RC3H2: variants seen among roughly 807,000 people sequenced by gnomAD.
The protein encoded by RC3H2 is roquin-2.
In RC3H2, 31 loss-of-function variants were observed where a neutral mutation model predicts 133.3. That is an observed-to-expected ratio of 0.23 (90% CI 0.17 to 0.31). RC3H2 has a LOEUF of 0.31. Ranked by LOEUF, RC3H2 falls within the 10% of genes least tolerant of loss-of-function variation. RC3H2 has a pLI of 1.00. For synonymous variants in RC3H2, 517 were observed against 502.2 expected, an observed-to-expected ratio of 1.03 and a Z score of -0.40; for missense variants, 1,175 against 1,437.2, an observed-to-expected ratio of 0.82 and a Z score of 2.95.
intron 9 of RC3H2, among the ~76,000 whole-genome samples, chr9:122,868,936 T>C (rs1270799071): frequency 6.8e-6 from 1 of 148,024 alleles, no homozygotes; most frequent in Non-Finnish European, 1.5e-5. Flanking sequence ...AGTTCCACTC[T>C]TGTCGCCCAG....
In RC3H2 at chr9:122,859,962, G is replaced by A. The variant is rs756983745; in HGVS notation, c.1804C>T (p.Pro602Ser). The change falls in exon 11 of 21, where the codon CCA (proline) becomes TCA (serine). Residue 602 changes from proline to serine, a missense_variant. Physicochemically the swap from Pro to Ser is moderately conservative, Grantham distance 74. Around this residue, in one of 8 missense-constraint regions of RC3H2, gnomAD observed 490 missense variants for 492.8 expected, o/e 0.99. Coordinates refer to ENST00000357244, the MANE Select transcript of RC3H2 (RefSeq NM_001100588.3). ...ACTTCAAAGGGTATCTGAGTCCTTG[G>A]ATCTTGAAAATACTGAATGTTTTCA... is the stretch of plus-strand genomic sequence containing the variant. Reference protein sequence around the residue: ...HSENIQYFQDPRTQIPFEVPQ... With the variant: ...HSENIQYFQDSRTQIPFEVPQ... 3 of 1,614,054 alleles carry A rather than the reference G, an allele frequency of 1.9e-6. No individual in the cohort carries two copies. In the South Asian group the frequency reaches 3.3e-5, roughly 18 times the overall value.
intron 1 of RC3H2, among the ~76,000 whole-genome samples, chr9:122,902,492 G>T (rs759500490): frequency 6.6e-6 from 1 of 152,110 alleles, no homozygotes; most frequent in Non-Finnish European, 1.5e-5. Context: ...ATATCCGATA[G>T]AAATATGTGA....
At chr9:122,852,562 G>A (rs1434399078) in intron 18 of RC3H2, among the ~76,000 whole-genome samples, 40 of 150,054 alleles carry the variant, frequency 2.7e-4, no homozygotes, top group South Asian at 4.2e-4. Context: ...CCGGCCAGCC[G>A]CCCCGTCCGG....
chr9:122,867,852 G>C (rs1195151999), intron 9 of RC3H2, among the ~76,000 whole-genome samples: 1 of 98,602 alleles, frequency 1.0e-5, no homozygotes, highest in Non-Finnish European at 2.1e-5. Context: ...GAGAAGTGAG[G>C]AGCGTCTCCG....
At chr9:122,883,665 T>C (rs939114632) in intron 4 of RC3H2, among the ~76,000 whole-genome samples, 1 of 152,140 alleles carries the variant, frequency 6.6e-6, no homozygotes, top group Non-Finnish European at 1.5e-5. Context: ...ATGATGATAA[T>C]GTTAAGGTAA....
Position 122,897,559 on chromosome 9 carries a change from T to G in RC3H2, c.-50A>C, listed in dbSNP as rs750493831. On this transcript the variant is annotated 5_prime_UTR_variant, in exon 2 of 21. Coordinates refer to ENST00000357244, the MANE Select transcript of RC3H2 (RefSeq NM_001100588.3). The stretch of plus-strand genomic sequence containing the variant: ...GCAGTCTAGCAGATCATTATTTTGC[T>G]GTGTAGTGTTTTGTAAGCTAGAAAT... 1 of 1,565,218 alleles carries G rather than the reference T, an allele frequency of 6.4e-7. No individual in the cohort carries two copies. The highest frequency in any genetic ancestry group is 8.7e-7 in the Non-Finnish European group (1 of 1,151,252).
chr9:122,884,964 C>T (rs1438976909), intron 4 of RC3H2, among the ~76,000 whole-genome samples: 1 of 151,536 alleles, frequency 6.6e-6, no homozygotes, highest in East Asian at 1.9e-4. Flanking sequence ...ATAAAGACGA[C>T]TAAAAAGAGA....
intron 9 of RC3H2, among the ~76,000 whole-genome samples, chr9:122,873,093 G>A (rs548482693): frequency 6.6e-6 from 1 of 152,138 alleles, no homozygotes; most frequent in African/African-American, 2.4e-5. Context: ...GGTTAGAGGG[G>A]TGTATAATAG....
At chr9:122,880,417 T>G in intron 6 of RC3H2, 177 bp downstream of exon 6, 1 of 673,944 alleles carries the variant, frequency 1.5e-6, no homozygotes, top group Non-Finnish European at 2.5e-6. Flanking sequence ...TGTTTCCCTG[T>G]TGCATCCCTT....
intron 18 of RC3H2, among the ~76,000 whole-genome samples, chr9:122,853,013 G>A (rs974486549): frequency 1.3e-5 from 2 of 152,160 alleles, no homozygotes; most frequent in Admixed American, 6.5e-5. Flanking sequence ...AGACATGGGA[G>A]ACTTTTCATT....
chr9:122,870,663 A>G (rs1355201423), intron 9 of RC3H2, among the ~76,000 whole-genome samples: 2 of 152,176 alleles, frequency 1.3e-5, no homozygotes, highest in Admixed American at 1.3e-4. Flanking sequence ...TGATCCTCCC[A>G]GCTCTGCCTC....
chr9:122,904,556 G>C (rs916826817), intron 1 of RC3H2, among the ~76,000 whole-genome samples: 1 of 152,252 alleles, frequency 6.6e-6, no homozygotes, highest in Non-Finnish European at 1.5e-5. Flanking sequence ...TTTCCTGGCT[G>C]TGTTTCATGC....
At chr9:122,901,404 A>C (rs1396912379) in intron 1 of RC3H2, among the ~76,000 whole-genome samples, 1 of 152,210 alleles carries the variant, frequency 6.6e-6, no homozygotes, top group Non-Finnish European at 1.5e-5. Flanking sequence ...CAATGGAAAC[A>C]ACCTGTAAGC....
At chr9:122,900,701 A>C (rs1832619547) in intron 1 of RC3H2, among the ~76,000 whole-genome samples, 1 of 152,308 alleles carries the variant, frequency 6.6e-6, no homozygotes, top group African/African-American at 2.4e-5. Context: ...GTTACTACTG[A>C]AGTATTCTTC....
Position 122,857,182 on chromosome 9 carries a change from T to C in RC3H2, c.2454+741A>G, listed in dbSNP as rs117887020. ...GTTTATCATATTATTCTCTCTATAC[T>C]TGTATATGTTTGAAATTTTTTATAA... On this transcript the variant is annotated intron_variant, in intron 13 of 20. Coordinates refer to ENST00000357244, the MANE Select transcript of RC3H2 (RefSeq NM_001100588.3). Among the ~76,000 whole-genome samples the C allele has an allele frequency of 3.2e-4, 49 of 152,324 alleles. No individual in the cohort carries two copies. In the East Asian group the frequency reaches 9.1e-3, roughly 28 times the overall value.
intron 4 of RC3H2, among the ~76,000 whole-genome samples, chr9:122,884,414 T>G (rs1831804639): frequency 2.0e-5 from 3 of 152,176 alleles, no homozygotes; most frequent in Admixed American, 2.0e-4. Context: ...TCAGAACTAT[T>G]TTGTATATAA....
At position 122,855,203 on chromosome 9, in the gene RC3H2, A is replaced by G. The variant is rs560725729; in HGVS notation, c.2796T>C (p.Thr932=). The part of the protein sequence containing the change: ...VQATASQGSA[T]KPISVSDYVP... ...GATTACCTGATACACTGATGGGCTT[A>G]GTCGCACTTCCTTGGGAAGCAGTGG... The change falls in exon 15 of 21, where the codon ACT becomes ACC. Residue 932 remains threonine (T), a synonymous_variant. Coordinates refer to ENST00000357244, the MANE Select transcript of RC3H2 (RefSeq NM_001100588.3). 7 of 1,613,696 alleles carry G rather than the reference A, an allele frequency of 4.3e-6. No homozygotes were observed. The South Asian group carries it at 6.6e-5, about 15-fold the overall frequency.
At chr9:122,881,504 AT>A (rs1831631766) in intron 5 of RC3H2, among the ~76,000 whole-genome samples, 1 of 151,880 alleles carries the variant, frequency 6.6e-6, no homozygotes, top group Non-Finnish European at 1.5e-5. Context: ...GAGAAATAGA[AT>A]TTTTAAAAGA....
chr9:122,874,238 T>C (rs2131441449), intron 9 of RC3H2: 1 of 152,250 alleles, frequency 6.6e-6, no homozygotes, highest in Middle Eastern at 3.4e-3. Context: ...AAACAAAGTA[T>C]ACAAATGGCA....
Sources: gnomAD v4.1 joint callset for allele counts (sites outside exome capture counted in the v4.1 genomes callset) on GRCh38, gnomAD v4.1.1 for gene constraint, gnomAD v4.1.1 regional missense constraint, MANE v1.5 for transcripts, NCBI Gene and HGNC (gene_info 2026-07-23, HGNC 2026-07-21) for gene names.